The following DPYD variants were observed in gnomAD, a reference collection of about 807,000 sequenced individuals.
DPYD encodes the protein dihydropyrimidine dehydrogenase, also known as dihydropyrimidine dehydrogenase [NADP(+)].
Under a neutral mutation model 116.2 loss-of-function variants are expected in DPYD, and 109 were observed. The ratio of observed to expected loss-of-function variants is 0.94; its 90% CI spans 0.80 to 1.10. DPYD has a LOEUF of 1.10. DPYD is among the 50% of genes least tolerant of loss of function. The pLI, the probability that DPYD is intolerant of heterozygous loss-of-function variation, is 0.00. For missense variants in DPYD, 1,302 were observed against 1,254.5 expected, an observed-to-expected ratio of 1.04 and a Z score of -0.57; for synonymous variants, 440 against 432.0, an observed-to-expected ratio of 1.02 and a Z score of -0.23.
chr1:97,752,540 G>A (rs1305206635), intron 3 of DPYD, among the ~76,000 whole-genome samples: 1 of 152,044 alleles, frequency 6.6e-6, no homozygotes, highest in Non-Finnish European at 1.5e-5. Flanking sequence ...TTATCTCTGA[G>A]CCTCGGCTTC....
chr1:97,901,992 A>G (rs985778812), intron 1 of DPYD, among the ~76,000 whole-genome samples: 5 of 151,800 alleles, frequency 3.3e-5, no homozygotes, highest in Non-Finnish European at 5.9e-5. Context: ...TTGTATTCCA[A>G]TTGAAATCCA....
At chr1:97,498,312 G>A (rs775298731) in intron 13 of DPYD, among the ~76,000 whole-genome samples, 33 of 151,764 alleles carry the variant, frequency 2.2e-4, no homozygotes, top group Non-Finnish European at 3.1e-4. Flanking sequence ...GATTTTATAC[G>A]TAAATTATAA....
intron 14 of DPYD, among the ~76,000 whole-genome samples, chr1:97,399,545 G>T (rs1174321839): frequency 2.0e-5 from 3 of 152,092 alleles, no homozygotes; most frequent in Admixed American, 2.0e-4. Flanking sequence ...GGGCAGTATG[G>T]CCATTTTCAC....
At chr1:97,557,529 T>C (rs1201267756) in intron 11 of DPYD, among the ~76,000 whole-genome samples, 4 of 152,062 alleles carry the variant, frequency 2.6e-5, no homozygotes, top group Admixed American at 6.6e-5. Context: ...TTGGCCAGGC[T>C]GGTCTCAAAC....
intron 14 of DPYD, among the ~76,000 whole-genome samples, chr1:97,438,700 T>C (rs985214161): frequency 3.3e-5 from 5 of 151,966 alleles, no homozygotes; most frequent in African/African-American, 1.2e-4. Flanking sequence ...GGTGTTTTAC[T>C]GTAATTAAAA....
At chr1:97,801,587 C>T (rs1667847681) in intron 3 of DPYD, among the ~76,000 whole-genome samples, 1 of 151,680 alleles carries the variant, frequency 6.6e-6, no homozygotes, top group Admixed American at 6.6e-5. Flanking sequence ...AAGTTGAATT[C>T]CAATTTTATA....
At chr1:97,449,077 G>A (rs1676251434) in intron 14 of DPYD, among the ~76,000 whole-genome samples, 2 of 151,862 alleles carry the variant, frequency 1.3e-5, no homozygotes, top group South Asian at 2.1e-4. Flanking sequence ...TGATGGGCAA[G>A]GCAATCATGT....
At chr1:97,885,728 A>G (rs977409161) in intron 1 of DPYD, among the ~76,000 whole-genome samples, 1 of 152,128 alleles carries the variant, frequency 6.6e-6, no homozygotes, top group Admixed American at 6.6e-5. Flanking sequence ...AAGATCTCAC[A>G]GTTAATATGC....
At chr1:97,423,371 G>A (rs1674685422) in intron 14 of DPYD, among the ~76,000 whole-genome samples, 1 of 151,978 alleles carries the variant, frequency 6.6e-6, no homozygotes, top group South Asian at 2.1e-4. Flanking sequence ...TGTGATTATG[G>A]CTAAGTGGGG....
chr1:97,586,465 CATATATATATATATATATATATATAT>C (rs57301424), intron 10 of DPYD, among the ~76,000 whole-genome samples: 534 of 34,332 alleles, frequency 0.016, 20 homozygotes, highest in African/African-American at 0.044. Context: ...TACATACATA[CATATATATATATATATATATATATAT>C]ATATATATAT....
intron 18 of DPYD, among the ~76,000 whole-genome samples, chr1:97,298,026 G>T (rs1441237804): frequency 6.6e-6 from 1 of 152,078 alleles, no homozygotes; most frequent in East Asian, 1.9e-4. Flanking sequence ...CTTTTTCTAA[G>T]AATTCTGACT....
At chr1:97,672,737 C>A (rs551704508) in intron 8 of DPYD, among the ~76,000 whole-genome samples, 2 of 151,978 alleles carry the variant, frequency 1.3e-5, no homozygotes, top group South Asian at 2.1e-4. Flanking sequence ...GATTAAGAAG[C>A]CAATTAAGAA....
chr1:97,217,990 T>C (rs777537932), intron 19 of DPYD, among the ~76,000 whole-genome samples: 2 of 152,202 alleles, frequency 1.3e-5, no homozygotes, highest in African/African-American at 2.4e-5. Context: ...CCAAGGTTTA[T>C]AGAGGTTAAA....
At chr1:97,246,862 T>C (rs925970994) in intron 18 of DPYD, among the ~76,000 whole-genome samples, 5 of 152,118 alleles carry the variant, frequency 3.3e-5, no homozygotes, top group African/African-American at 1.2e-4. Flanking sequence ...AATATTCCTA[T>C]TTTAATAGCA....
At chr1:97,386,816 G>C (rs919624929) in intron 14 of DPYD, among the ~76,000 whole-genome samples, 1 of 152,006 alleles carries the variant, frequency 6.6e-6, no homozygotes. Context: ...TTTATTAAAA[G>C]AGAAAGCAAT....
chr1:97,328,066 G>A (rs954454845), intron 16 of DPYD, among the ~76,000 whole-genome samples: 4 of 152,094 alleles, frequency 2.6e-5, no homozygotes, highest in African/African-American at 9.7e-5. Flanking sequence ...TTCAGTTGAT[G>A]CACGATACCC....
intron 18 of DPYD, among the ~76,000 whole-genome samples, chr1:97,304,768 G>A (rs1008227739): frequency 5.3e-5 from 8 of 152,078 alleles, no homozygotes; most frequent in South Asian, 2.1e-4. Context: ...GAGAAAGAGC[G>A]TGCAAAGGTG....
chr1:97,753,354 A>T (rs934785244), intron 3 of DPYD, among the ~76,000 whole-genome samples: 2 of 152,228 alleles, frequency 1.3e-5, no homozygotes, highest in African/African-American at 4.8e-5. Context: ...AATTCTGGTT[A>T]TCTCTGCCAT....
intron 3 of DPYD, among the ~76,000 whole-genome samples, chr1:97,754,274 G>A (rs1192610403): frequency 6.6e-6 from 1 of 152,032 alleles, no homozygotes; most frequent in Non-Finnish European, 1.5e-5. Context: ...TAGCCTAGAA[G>A]CTAAAGGACA....
Sources: gnomAD v4.1 joint callset for allele counts (sites outside exome capture counted in the v4.1 genomes callset) on GRCh38, gnomAD v4.1.1 for gene constraint, MANE v1.5 for transcripts, NCBI Gene and HGNC (gene_info 2026-07-23, HGNC 2026-07-21) for gene names.